Variants in DIS3L2 observed in about 807,000 individuals in gnomAD.
DIS3L2 encodes the protein DIS3 like 3'-5' exoribonuclease 2, also known as DIS3-like exonuclease 2.
A neutral mutation model predicts 97.5 loss-of-function variants in DIS3L2; 34 were observed. The observed-to-expected ratio is 0.35, with a 90% CI of 0.27 to 0.46. The LOEUF is 0.46. Ranked by LOEUF, DIS3L2 falls within the 20% of genes least tolerant of loss-of-function variation. The probability of loss-of-function intolerance (pLI) is 1.00; values close to 1 mark genes in which losing one functional copy is unlikely to be tolerated. For synonymous variants in DIS3L2, 435 were observed against 445.2 expected (o/e 0.98, Z 0.29); for missense variants, 1,038 against 1,146.0 (o/e 0.91, Z 1.36).
chr2:232,323,404 C>T (rs1277526088), intron 14 of DIS3L2, among the ~76,000 whole-genome samples: 4 of 152,202 alleles, frequency 2.6e-5, no homozygotes, highest in Admixed American at 2.6e-4. Context: ...TTTGGCAAGG[C>T]CTGAGGGCCC....
At chr2:232,141,193 T>C (rs2106359337) in intron 8 of DIS3L2, among the ~76,000 whole-genome samples, 1 of 144,366 alleles carries the variant, frequency 6.9e-6, no homozygotes, top group East Asian at 1.9e-4. Context: ...AAATCTGGTA[T>C]CCTCAGTCTA....
chr2:232,340,859 C>T (rs201844114), downstream of DIS3L2: 95 of 471,318 alleles, frequency 2.0e-4, no homozygotes, highest in Non-Finnish European at 3.1e-5. Context: ...CCGTGCACAG[C>T]CAGGGATTGC....
chr2:232,327,800 G>A (rs946481255), intron 14 of DIS3L2, among the ~76,000 whole-genome samples: 1 of 152,204 alleles, frequency 6.6e-6, no homozygotes, highest in African/African-American at 2.4e-5. Flanking sequence ...GGGGCAGGTG[G>A]GGCAACAGGA....
chr2:232,091,377 T>C (rs1357170874), intron 6 of DIS3L2, among the ~76,000 whole-genome samples: 1 of 152,228 alleles, frequency 6.6e-6, no homozygotes, highest in African/African-American at 2.4e-5. Context: ...TTTAGTTTTT[T>C]AGCTCTCACA....
In DIS3L2 at chr2:232,281,014, C is replaced by G. The variant is rs185713726; in HGVS notation, c.1659+17574C>G. The stretch of plus-strand genomic sequence containing the variant: ...TGGAATGTACAGGCCATTGGTGTGG[C>G]TGTGTCAGAGGAAGGGCTCCCAGTG... On this transcript the variant is annotated intron_variant, in intron 13 of 20. Coordinates refer to ENST00000325385, the MANE Select transcript of DIS3L2 (RefSeq NM_152383.5). This position sits in a 1 kb window ranked among gnomAD's most constrained non-coding sequence, Gnocchi z 4.1. Among the ~76,000 whole-genome samples the G allele has an allele frequency of 6.6e-6, 1 of 152,248 alleles. No individual in the cohort carries two copies. The highest frequency in any genetic ancestry group is 1.5e-5 in the Non-Finnish European group (1 of 68,016).
At chr2:232,242,983 G>A (rs1030815393) in intron 11 of DIS3L2, among the ~76,000 whole-genome samples, 1 of 152,198 alleles carries the variant, frequency 6.6e-6, no homozygotes, top group African/African-American at 2.4e-5. Flanking sequence ...TTCTGGTCTT[G>A]CCCTGGGGAA....
chr2:231,978,594 A>G (rs1693161835), intron 1 of DIS3L2: 1 of 152,194 alleles, frequency 6.6e-6, no homozygotes, highest in African/African-American at 2.4e-5. Context: ...ATGATTTCCT[A>G]GTGGATAAAA....
intron 1 of DIS3L2, among the ~76,000 whole-genome samples, chr2:231,990,914 A>G (rs1026092929): frequency 7.2e-5 from 11 of 152,142 alleles, no homozygotes; most frequent in Non-Finnish European, 8.8e-5. Context: ...GGAGTGCTAT[A>G]TGAATTTATA....
chr2:232,098,942 A>G (rs972750266), intron 6 of DIS3L2, among the ~76,000 whole-genome samples: 3 of 152,140 alleles, frequency 2.0e-5, no homozygotes, highest in Non-Finnish European at 4.4e-5. Flanking sequence ...CTGTCACTAG[A>G]TCACAAAGAT....
At chr2:232,048,549 G>A (rs557818071) in intron 5 of DIS3L2, among the ~76,000 whole-genome samples, 9 of 152,226 alleles carry the variant, frequency 5.9e-5, no homozygotes, top group African/African-American at 1.4e-4. Context: ...TGGCTAACAC[G>A]GTGAAACCTT....
At chr2:232,333,505 T>A (rs1029512568) in intron 16 of DIS3L2, among the ~76,000 whole-genome samples, 1 of 152,000 alleles carries the variant, frequency 6.6e-6, no homozygotes, top group Admixed American at 6.5e-5. Flanking sequence ...ATCCTGGGGG[T>A]TCCTGGCTCC....
At position 232,325,955 on chromosome 2, in the gene DIS3L2, G is replaced by T. The variant is rs183941697; in HGVS notation, c.1740-3858G>T. ...CCCCAGTGCCCACTCTGCGCCCTTC[G>T]GGGCTCCCGTGGCCCAGAGTGTGGA... On this transcript the variant is annotated intron_variant, in intron 14 of 20. Transcript: ENST00000325385. This position sits in a 1 kb window ranked among gnomAD's most constrained non-coding sequence, Gnocchi z 4.6. Among the ~76,000 whole-genome samples the T allele has an allele frequency of 6.6e-6, 1 of 152,218 alleles. No homozygotes were observed. The highest frequency in any genetic ancestry group is 2.4e-5 in the African/African-American group (1 of 41,464).
chr2:232,006,187 GAAAAAAGA>G (rs979014922), intron 1 of DIS3L2, among the ~76,000 whole-genome samples: 1 of 151,614 alleles, frequency 6.6e-6, no homozygotes, highest in Non-Finnish European at 1.5e-5. Flanking sequence ...ACTCTGCCTT[GAAAAAAGA>G]AAAAAAGAAA....
chr2:232,215,267 AC>A (rs1371579353), intron 10 of DIS3L2, among the ~76,000 whole-genome samples: 1 of 152,062 alleles, frequency 6.6e-6, no homozygotes, highest in Non-Finnish European at 1.5e-5. Flanking sequence ...TCCTCTCTGA[AC>A]CATGAAACTA....
intron 6 of DIS3L2, among the ~76,000 whole-genome samples, chr2:232,106,056 T>G (rs913473040): frequency 2.6e-5 from 4 of 152,196 alleles, no homozygotes; most frequent in Admixed American, 6.5e-5. Context: ...TTTTCCATGC[T>G]CTCTAGATTC....
At chr2:232,264,555 C>G (rs1693805008) in intron 13 of DIS3L2, among the ~76,000 whole-genome samples, 2 of 151,606 alleles carry the variant, frequency 1.3e-5, no homozygotes, top group Non-Finnish European at 2.9e-5. Context: ...TTATATTTCT[C>G]ACCCAAACAC....
chr2:232,263,053 A>G (rs1693753997), intron 12 of DIS3L2, among the ~76,000 whole-genome samples, 154 bp from the exon 13 acceptor site: 1 of 152,178 alleles, frequency 6.6e-6, no homozygotes, highest in Non-Finnish European at 1.5e-5. Flanking sequence ...TCTCTGATTC[A>G]TCTGGGTGCC....
chr2:232,277,283 G>A lies in DIS3L2; in HGVS notation c.1659+13843G>A, dbSNP rs138206399. Among the ~76,000 whole-genome samples, 591 of 152,328 alleles carry A rather than the reference G, an allele frequency of 3.9e-3. 5 individuals carry two copies. The highest frequency in any genetic ancestry group is 0.017 in the Middle Eastern group (5 of 294). Reference sequence around the variant, plus strand: ...ACATCACGCCCCAAGTCACGCAAATGTGAGCTGCAAAGTATTTCATCCTGT... The same window carrying A: ...ACATCACGCCCCAAGTCACGCAAATATGAGCTGCAAAGTATTTCATCCTGT... On this transcript the variant is annotated intron_variant, in intron 13 of 20. Transcript: ENST00000325385.
intron 1 of DIS3L2, among the ~76,000 whole-genome samples, chr2:231,976,533 G>GT (rs1436718202): frequency 2.0e-5 from 3 of 151,704 alleles, no homozygotes; most frequent in Non-Finnish European, 4.4e-5. Context: ...GGGGGCTGTG[G>GT]TGGGAGGATC....
Sources: allele counts gnomAD v4.1 joint callset (sites outside exome capture counted in the v4.1 genomes callset), GRCh38; gene constraint gnomAD v4.1.1; non-coding constraint Gnocchi (gnomAD v3.1); transcripts MANE v1.5; gene names NCBI Gene and HGNC (gene_info 2026-07-23, HGNC 2026-07-21).